The following ROS1 variants were observed in gnomAD, a reference collection of about 807,000 sequenced individuals.
ROS1 encodes the protein proto-oncogene tyrosine-protein kinase ROS.
In ROS1, 263 loss-of-function variants were observed where a neutral mutation model predicts 273.5. The observed-to-expected ratio is 0.96, with a 90% CI of 0.87 to 1.06. The LOEUF (loss-of-function observed/expected upper bound fraction) is 1.06. Among genes scored for constraint, ROS1 ranks in the 50% least tolerant of loss-of-function variants. The pLI is 0.00. For missense variants in ROS1, 2,833 were observed against 2,751.1 expected (o/e 1.03, Z -0.67); for synonymous variants, 1,008 against 954.1 (o/e 1.06, Z -1.04).
At chr6:117,339,134 A>C (rs983472950) in intron 31 of ROS1, among the ~76,000 whole-genome samples, 2 of 152,188 alleles carry the variant, frequency 1.3e-5, no homozygotes, top group African/African-American at 4.8e-5. Flanking sequence ...TGTGGGCCAC[A>C]TGTGGCCCAG....
chr6:117,331,689 A>G (rs757008848), intron 32 of ROS1, among the ~76,000 whole-genome samples: 33 of 152,308 alleles, frequency 2.2e-4, no homozygotes, highest in Non-Finnish European at 4.6e-4. Flanking sequence ...GCCAACATCA[A>G]CATTCTTAAA....
At chr6:117,412,619 GATA>G (rs1775010612) in intron 4 of ROS1, among the ~76,000 whole-genome samples, 1 of 152,064 alleles carries the variant, frequency 6.6e-6, no homozygotes, top group African/African-American at 2.4e-5. Flanking sequence ...TAGATAGATA[GATA>G]GATAGATAGA....
intron 43 of ROS1, among the ~76,000 whole-genome samples, chr6:117,292,136 A>T (rs1178283087): frequency 2.0e-5 from 3 of 151,442 alleles, no homozygotes; most frequent in Admixed American, 2.0e-4. Context: ...TGCCCAGCTA[A>T]TTTTTTCTAT....
In ROS1 at chr6:117,425,869, A is replaced by G; in HGVS notation, c.-213T>C. The G allele has an allele frequency of 2.1e-6, 1 of 471,594 alleles. No individual in the cohort carries two copies. The highest frequency in any genetic ancestry group is 3.7e-6 in the Non-Finnish European group (1 of 269,396). 29.2% of individuals were successfully genotyped at this position (471,594 alleles called of 1,614,324 possible). ...CTTGAAAGCTTGTAACAGTTCCATA[A>G]GAGCTATTTCATAACAGCTTCCTTT... On this transcript the variant is annotated 5_prime_UTR_variant, in exon 1 of 44. Coordinates refer to ENST00000368507, the MANE Select transcript of ROS1 (RefSeq NM_001378902.1).
chr6:117,414,585 G>A lies in ROS1; in HGVS notation c.229-40C>T, dbSNP rs763581239. On this transcript the variant is annotated intron_variant, in intron 3 of 43. Coordinates refer to ENST00000368507, the MANE Select transcript of ROS1 (RefSeq NM_001378902.1). ...AAAAAGACTACTTAAAATCTTGAAA[G>A]TTGTAAATAATTTTAGTGACACTGA... The A allele has an allele frequency of 1.1e-4, 78 of 720,020 alleles. No homozygotes were observed. In the Admixed American group the frequency reaches 1.8e-3, roughly 16 times the overall value. The allele number at this position is 720,020 out of a possible 1,614,324, so 44.6% of individuals were successfully genotyped here.
At chr6:117,367,418 T>C (rs753517800) in intron 18 of ROS1, among the ~76,000 whole-genome samples, 4 of 152,212 alleles carry the variant, frequency 2.6e-5, no homozygotes, top group Non-Finnish European at 5.9e-5. Flanking sequence ...ATAACTCTGT[T>C]ATGAGCAGAG....
At chr6:117,344,472 G>C (rs74715187) in intron 27 of ROS1, among the ~76,000 whole-genome samples, 14,775 of 152,226 alleles carry the variant, frequency 0.097, 903 homozygotes, top group Middle Eastern at 0.14. Flanking sequence ...TGTGTAGTAT[G>C]TGTAGTATGT....
rs2128643931 is a variant in ROS1, at chr6:117,356,721, G to T, written c.4034C>A (p.Pro1345Gln). ...TTGTGCTTTGGCAAAGTATATCAAT[G>T]GTTTCTCTAGGTTAGAGGTATCAAT... is the stretch of plus-strand genomic sequence containing the variant. ...MAIDTSNLEKPLIYFAKAQEI... is the reference protein window; with the variant it reads ...MAIDTSNLEKQLIYFAKAQEI... The change falls in exon 26 of 44, where the codon CCA becomes CAA. Residue 1345 changes from proline to glutamine, a missense_variant. Transcript: ENST00000368507. The T allele has an allele frequency of 6.2e-7, 1 of 1,614,090 alleles. No homozygotes were observed. Among genetic ancestry groups the T allele is most frequent in the East Asian group, 2.2e-5 (1 of 44,882 alleles).
chr6:117,353,258 T>G (rs1779031116), intron 26 of ROS1, 92 bp from the exon 27 acceptor site: 1 of 845,736 alleles, frequency 1.2e-6, no homozygotes, highest in Non-Finnish European at 1.7e-6. Flanking sequence ...TATATTATAA[T>G]TGCTAAATTT....
At position 117,301,137 on chromosome 6, in the gene ROS1, C is replaced by A. The variant is rs761574627; in HGVS notation, c.6552G>T (p.Leu2184=). The A allele has an allele frequency of 3.8e-5, 60 of 1,578,164 alleles. No homozygotes were observed. The highest frequency in any genetic ancestry group is 5.0e-5 in the Non-Finnish European group (58 of 1,167,912). Residue 2184 remains leucine (L), a splice_region_variant and synonymous_variant, in exon 43 of 44, where the codon CTG becomes CTT. Transcript: ENST00000368507. ...LEPPRNCPDD[L]WNLMTQCWAQ... is the part of the protein sequence containing the mutation. ...CCCAGCACTGGGTCATTAAATTCCA[C>A]CTAAATATATGGGGAAAGATGGGAA...
At chr6:117,316,461 T>G (rs952038383) in intron 39 of ROS1, among the ~76,000 whole-genome samples, 1 of 152,110 alleles carries the variant, frequency 6.6e-6, no homozygotes, top group Non-Finnish European at 1.5e-5. Context: ...ATCTTACGTG[T>G]TCTCATCTAA....
rs771176235 is a variant in ROS1 at position 117,365,628 on chromosome 6, C to A, written c.2911G>T (p.Asp971Tyr). Residue 971 changes from aspartate to tyrosine, a missense_variant, in exon 20 of 44, where the codon GAC becomes TAC. Transcript: ENST00000368507. ...ACACTGTAGAAAACTACACCCCAGT[C>A]TACCGCAGGGGGACCATTCCACAGG... is the stretch of plus-strand genomic sequence containing the variant. The part of the protein sequence containing the change: ...QILWNGPPAV[D>Y]WGVVFYSVEF... 18 of 1,612,964 alleles carry A rather than the reference C, an allele frequency of 1.1e-5. No individual in the cohort carries two copies. Among genetic ancestry groups the A allele is most frequent in the African/African-American group, 2.7e-5 (2 of 74,870 alleles).
At chr6:117,419,792 T>A (rs907745790) in intron 1 of ROS1, among the ~76,000 whole-genome samples, 1 of 152,150 alleles carries the variant, frequency 6.6e-6, no homozygotes, top group Non-Finnish European at 1.5e-5. Context: ...TTCTTGATGA[T>A]CATAGTCACA....
intron 1 of ROS1, among the ~76,000 whole-genome samples, chr6:117,421,382 C>T (rs1344936148): frequency 6.6e-6 from 1 of 151,798 alleles, no homozygotes; most frequent in Non-Finnish European, 1.5e-5. Flanking sequence ...TTGTACCCAA[C>T]ATGTAGTTTT....
intron 11 of ROS1, among the ~76,000 whole-genome samples, chr6:117,393,845 C>G (rs1435802213): frequency 6.6e-6 from 1 of 152,156 alleles, no homozygotes; most frequent in East Asian, 1.9e-4. Context: ...TAACTTTGAT[C>G]ATGACTGGCA....
intron 31 of ROS1, among the ~76,000 whole-genome samples, chr6:117,339,038 AAT>A (rs1324678257): frequency 6.6e-6 from 1 of 152,100 alleles, no homozygotes; most frequent in Non-Finnish European, 1.5e-5. Context: ...CCCCATTTTA[AAT>A]ATGTTCTTCT....
chr6:117,342,932 A>G (rs1435001504), intron 28 of ROS1, among the ~76,000 whole-genome samples: 1 of 152,196 alleles, frequency 6.6e-6, no homozygotes, highest in East Asian at 1.9e-4. Context: ...ATAAAGTTTA[A>G]GAGAGTAAAA....
At chr6:117,331,682 A>C (rs1454845746) in intron 32 of ROS1, among the ~76,000 whole-genome samples, 1 of 152,206 alleles carries the variant, frequency 6.6e-6, no homozygotes, top group Non-Finnish European at 1.5e-5. Context: ...ATTGGGGGCC[A>C]ACATCAACAT....
At chr6:117,331,730 C>G (rs1246684904) in intron 32 of ROS1, among the ~76,000 whole-genome samples, 2 of 152,134 alleles carry the variant, frequency 1.3e-5, no homozygotes, top group East Asian at 3.9e-4. Context: ...AATTTCATAT[C>G]CAGCCAAACT....
Sources: allele counts gnomAD v4.1 joint callset (sites outside exome capture counted in the v4.1 genomes callset), GRCh38; gene constraint gnomAD v4.1.1; transcripts MANE v1.5; gene names NCBI Gene and HGNC (gene_info 2026-07-23, HGNC 2026-07-21).